Variants in YIPF1 observed in about 807,000 individuals in gnomAD.
The protein encoded by YIPF1 is Yip1 domain family member 1.
Under a neutral mutation model 37.0 loss-of-function variants are expected in YIPF1, and 22 were observed. The ratio of observed to expected loss-of-function variants is 0.59; its 90% CI spans 0.42 to 0.85. The LOEUF (loss-of-function observed/expected upper bound fraction) is 0.85. Among genes scored for constraint, YIPF1 ranks in the 40% least tolerant of loss-of-function variants. The probability of loss-of-function intolerance (pLI) is 0.00; values close to 1 mark genes in which losing one functional copy is unlikely to be tolerated. For synonymous variants in YIPF1, 128 were observed against 131.9 expected (o/e 0.97, Z 0.21); for missense variants, 355 against 373.1 (o/e 0.95, Z 0.40).
At chr1:53,877,043 AG>A (rs1449597685) in intron 6 of YIPF1, among the ~76,000 whole-genome samples, 1 of 152,220 alleles carries the variant, frequency 6.6e-6, no homozygotes, top group Admixed American at 6.5e-5. Context: ...CATTGGGGCT[AG>A]GGACCATGGC....
At position 53,886,310 on chromosome 1, in the gene YIPF1, C is replaced by A. The variant is rs571703508; in HGVS notation, c.31+2597G>T. Among the ~76,000 whole-genome samples, 74 of 152,038 alleles carry A rather than the reference C, an allele frequency of 4.9e-4. 1 individual carries two copies. Among genetic ancestry groups the A allele is most frequent in the African/African-American group, 1.7e-3 (72 of 41,292 alleles). ...GAGTGTGGGCTGCGTGTACCCCTAA[C>A]ATGACGACTCTTCACACAGTCTGCT... On this transcript the variant is annotated intron_variant, in intron 3 of 10. Coordinates refer to ENST00000072644, the MANE Select transcript of YIPF1 (RefSeq NM_018982.5).
In YIPF1 at chr1:53,883,176, TG is replaced by T; in HGVS notation, c.131del (p.Pro44GlnfsTer67). 1 of 1,603,506 alleles carries T rather than the reference TG, an allele frequency of 6.2e-7. No homozygotes were observed. The highest frequency in any genetic ancestry group is 8.5e-7 in the Non-Finnish European group (1 of 1,175,690). On this transcript the variant is annotated frameshift_variant, in exon 4 of 11. Coordinates refer to ENST00000072644, the MANE Select transcript of YIPF1 (RefSeq NM_018982.5). LOFTEE classifies it high-confidence loss of function. ...GETPKHQPGS[P>X]RGSGREEDDE... ...CATCTTCTTCTCTTCCTGAGCCTCT[TG>T]GGGATCCTGGCTGATGTTTTGGGGT... is the stretch of plus-strand genomic sequence containing the variant.
At chr1:53,872,672 G>A (rs982864239) in intron 6 of YIPF1, among the ~76,000 whole-genome samples, 6 of 152,034 alleles carry the variant, frequency 3.9e-5, no homozygotes, top group South Asian at 2.1e-4. Context: ...ACCTTGACAC[G>A]TCACAAAATT....
intron 4 of YIPF1, among the ~76,000 whole-genome samples, chr1:53,880,899 G>A (rs1160343005): frequency 6.6e-6 from 1 of 152,030 alleles, no homozygotes; most frequent in Non-Finnish European, 1.5e-5. Flanking sequence ...TATACCATAA[G>A]CAAAAATTAA....
chr1:53,870,943 G>A (rs754769138), intron 7 of YIPF1, among the ~76,000 whole-genome samples: 1 of 150,820 alleles, frequency 6.6e-6, no homozygotes. Flanking sequence ...GCCCAGGGAG[G>A]TGGAGGCTGC....
At chr1:53,882,608 C>T (rs1254818470) in intron 4 of YIPF1, among the ~76,000 whole-genome samples, 1 of 152,168 alleles carries the variant, frequency 6.6e-6, no homozygotes, top group African/African-American at 2.4e-5. Flanking sequence ...CAGGTGTCCA[C>T]CACCATACTC....
intron 3 of YIPF1, among the ~76,000 whole-genome samples, chr1:53,888,089 G>A (rs985038126): frequency 5.3e-5 from 8 of 152,178 alleles, no homozygotes; most frequent in African/African-American, 1.9e-4. Flanking sequence ...AGTCGGGTGT[G>A]GTGACGGGCA....
chr1:53,872,528 T>C (rs910258011), intron 6 of YIPF1, among the ~76,000 whole-genome samples: 3 of 152,240 alleles, frequency 2.0e-5, no homozygotes, highest in African/African-American at 7.2e-5. Context: ...ACACTATCCT[T>C]GTCTCTCCCC....
intron 6 of YIPF1, among the ~76,000 whole-genome samples, chr1:53,872,135 A>G (rs1650209171): frequency 6.6e-6 from 1 of 151,958 alleles, no homozygotes; most frequent in South Asian, 2.1e-4. Flanking sequence ...AAAAAGTAAT[A>G]TATGTATATG....
Position 53,866,774 on chromosome 1 carries a change from A to G in YIPF1, c.632T>C (p.Ile211Thr), listed in dbSNP as rs912952525. The G allele has an allele frequency of 2.5e-6, 4 of 1,613,708 alleles. No homozygotes were observed. In the African/African-American group the frequency reaches 5.3e-5, roughly 22 times the overall value. Residue 211 changes from isoleucine (I) to threonine (T), a missense_variant, in exon 8 of 11, where the codon ATT (isoleucine) becomes ACT (threonine). Transcript: ENST00000072644. The stretch of plus-strand genomic sequence containing the variant: ...GGTACTTACTGCGGTGGGGATATAA[A>G]TGAAGAGGGAATATCCATAGACACA... ...IVCVYGYSLF[I>T]YIPTAILWII...
At chr1:53,881,479 G>T (rs7516269) in intron 4 of YIPF1, among the ~76,000 whole-genome samples, 93,559 of 151,912 alleles carry the variant, frequency 0.62, 29,429 homozygotes, top group East Asian at 0.86. Context: ...ATCTAACAAA[G>T]GTCTAATATC....
At chr1:53,854,177 G>A (rs986621791) in intron 10 of YIPF1, among the ~76,000 whole-genome samples, 3 of 152,062 alleles carry the variant, frequency 2.0e-5, no homozygotes, top group East Asian at 3.9e-4. Flanking sequence ...ACTTGAACCC[G>A]GGAGGTGGAG....
At chr1:53,866,509 T>G in intron 8 of YIPF1, 127 bp from the exon 9 acceptor site, 1 of 1,098,036 alleles carries the variant, frequency 9.1e-7, no homozygotes, top group Non-Finnish European at 1.3e-6. Flanking sequence ...GGTTTTTCAG[T>G]ACAGGCTGGA....
intron 10 of YIPF1, 110 bp downstream of exon 10, chr1:53,859,946 G>T: frequency 9.3e-7 from 1 of 1,071,396 alleles, no homozygotes; most frequent in Non-Finnish European, 1.4e-6. Flanking sequence ...GAACTGTGCA[G>T]AAGGATGAAA....
intron 8 of YIPF1, 100 bp downstream of exon 8, chr1:53,866,658 T>G: frequency 4.3e-6 from 6 of 1,391,876 alleles, no homozygotes; most frequent in Non-Finnish European, 5.8e-6. Flanking sequence ...AGAACATGAG[T>G]ATTGCGCTGG....
intron 6 of YIPF1, among the ~76,000 whole-genome samples, chr1:53,872,982 G>A (rs1395543486): frequency 1.3e-5 from 2 of 152,164 alleles, no homozygotes; most frequent in Non-Finnish European, 2.9e-5. Context: ...AAGCTTTACT[G>A]AATGAATAAA....
chr1:53,882,462 T>C (rs1316919667), intron 4 of YIPF1, among the ~76,000 whole-genome samples: 1 of 152,030 alleles, frequency 6.6e-6, no homozygotes, highest in Non-Finnish European at 1.5e-5. Flanking sequence ...CTTTTTTTTT[T>C]TTTCTTTCTT....
At chr1:53,862,717 G>A (rs189197399) in intron 9 of YIPF1, among the ~76,000 whole-genome samples, 6 of 152,242 alleles carry the variant, frequency 3.9e-5, no homozygotes. Flanking sequence ...TCCCCTGCCA[G>A]TTCCTCTCTC....
At chr1:53,881,981 T>C (rs1216670981) in intron 4 of YIPF1, among the ~76,000 whole-genome samples, 1 of 152,186 alleles carries the variant, frequency 6.6e-6, no homozygotes, top group Non-Finnish European at 1.5e-5. Context: ...AATGATAGAC[T>C]GGATAAAGAA....
Sources: allele counts gnomAD v4.1 joint callset (sites outside exome capture counted in the v4.1 genomes callset), GRCh38; gene constraint gnomAD v4.1.1; transcripts MANE v1.5; gene names NCBI Gene and HGNC (gene_info 2026-07-23, HGNC 2026-07-21).